NSUN6: variants seen among roughly 807,000 people sequenced by gnomAD.
The protein encoded by NSUN6 is NOP2/Sun RNA methyltransferase 6.
In NSUN6, 64 loss-of-function variants were observed where a neutral mutation model predicts 58.0. The observed-to-expected ratio is 1.10, with a 90% CI of 0.90 to 1.36. The LOEUF is 1.36. Among genes scored for constraint, NSUN6 ranks in the 40% most tolerant of loss-of-function variants. The pLI is 0.00. For missense variants in NSUN6, 701 were observed against 550.1 expected, an observed-to-expected ratio of 1.27 and a Z score of -2.74; for synonymous variants, 231 against 193.9, an observed-to-expected ratio of 1.19 and a Z score of -1.59.
At chr10:18,558,105 G>A (rs533128308) in intron 8 of NSUN6, among the ~76,000 whole-genome samples, 1 of 150,578 alleles carries the variant, frequency 6.6e-6, no homozygotes. Flanking sequence ...GAATGGAATA[G>A]AGTGGAATGG....
rs2056388757 is a variant in NSUN6, at chr10:18,571,924, TTTCCATTCCATTCTCCA to T, written c.922+14008_922+14024del. On this transcript the variant is annotated intron_variant, in intron 8 of 10. Coordinates refer to ENST00000377304, the MANE Select transcript of NSUN6 (RefSeq NM_182543.5). ...TATTCCTTTCTCCATTCCATTCCCC[TTTCCATTCCATTCTCCA>T]TTCCATTCCATTTTCTATTCCACTC... Among the ~76,000 whole-genome samples the T allele has an allele frequency of 2.0e-5, 3 of 150,176 alleles. No individual in the cohort carries two copies. In the South Asian group the frequency reaches 6.3e-4, roughly 32 times the overall value.
intron 6 of NSUN6, among the ~76,000 whole-genome samples, chr10:18,608,453 C>T (rs533561833): frequency 3.9e-5 from 6 of 151,926 alleles, no homozygotes; most frequent in South Asian, 2.1e-4. Flanking sequence ...CTGGACAATA[C>T]GGCAAAACCC....
intron 8 of NSUN6, among the ~76,000 whole-genome samples, chr10:18,577,830 G>T (rs900496498): frequency 1.3e-5 from 2 of 152,026 alleles, no homozygotes; most frequent in South Asian, 2.1e-4. Flanking sequence ...CCTGGCTCCC[G>T]CCAAACCACT....
chr10:18,641,773 A>C (rs887717644), intron 3 of NSUN6, among the ~76,000 whole-genome samples: 1 of 152,208 alleles, frequency 6.6e-6, no homozygotes, highest in Non-Finnish European at 1.5e-5. Flanking sequence ...TTGAATTATG[A>C]ATAAAATTTT....
intron 8 of NSUN6, among the ~76,000 whole-genome samples, chr10:18,576,702 C>A (rs915887216): frequency 2.6e-5 from 4 of 152,066 alleles, no homozygotes; most frequent in African/African-American, 9.7e-5. Flanking sequence ...CCTTGGAGAC[C>A]GGAAGGGATG....
intron 7 of NSUN6, among the ~76,000 whole-genome samples, chr10:18,593,455 C>A (rs1047270894): frequency 2.6e-5 from 4 of 152,170 alleles, no homozygotes; most frequent in Non-Finnish European, 5.9e-5. Context: ...TTGGAACCAA[C>A]CCAAATGCCC....
At chr10:18,600,087 C>G (rs1279561376) in intron 6 of NSUN6, among the ~76,000 whole-genome samples, 1 of 152,046 alleles carries the variant, frequency 6.6e-6, no homozygotes, top group Non-Finnish European at 1.5e-5. Context: ...ATCACTAGCC[C>G]CTCACAATAC....
chr10:18,594,059 G>A (rs1027304901), intron 7 of NSUN6, among the ~76,000 whole-genome samples: 4 of 151,830 alleles, frequency 2.6e-5, no homozygotes, highest in African/African-American at 9.7e-5. Flanking sequence ...AATTATTCGG[G>A]TGTGGTGGCA....
chr10:18,618,788 C>T (rs1459471735), intron 3 of NSUN6, among the ~76,000 whole-genome samples: 2 of 150,124 alleles, frequency 1.3e-5, no homozygotes, highest in Non-Finnish European at 2.9e-5. Flanking sequence ...TCCTAAGAGT[C>T]ATCTCCTAAT....
At chr10:18,567,674 G>A (rs557434111) in intron 8 of NSUN6, among the ~76,000 whole-genome samples, 16 of 124,348 alleles carry the variant, frequency 1.3e-4, no homozygotes, top group South Asian at 7.6e-4. Flanking sequence ...ATTCCATTCC[G>A]CATTCCATTC....
intron 8 of NSUN6, among the ~76,000 whole-genome samples, chr10:18,553,605 T>C (rs377029828): frequency 9.2e-5 from 13 of 141,996 alleles, no homozygotes; most frequent in African/African-American, 2.7e-4. Flanking sequence ...GAATAGGGAA[T>C]GGAATGGCAT....
intron 3 of NSUN6, among the ~76,000 whole-genome samples, chr10:18,619,176 T>C (rs1048754518): frequency 6.6e-6 from 1 of 152,230 alleles, no homozygotes; most frequent in Non-Finnish European, 1.5e-5. Flanking sequence ...TTGGACTGAA[T>C]GAGTGCTGCT....
chr10:18,614,840 A>C (rs10741111), intron 4 of NSUN6, among the ~76,000 whole-genome samples: 40,874 of 151,896 alleles, frequency 0.27, 6,241 homozygotes, highest in East Asian at 0.74. Context: ...ACAAAGAAAT[A>C]AAATAGCTTC....
intron 5 of NSUN6, 35 bp downstream of exon 5, chr10:18,614,425 G>C (rs1004314324): frequency 7.8e-6 from 10 of 1,285,458 alleles, no homozygotes; most frequent in Admixed American, 2.9e-5. Context: ...CCCACAAAAA[G>C]GATGCTGATT....
At chr10:18,568,791 C>T (rs1369292872) in intron 8 of NSUN6, among the ~76,000 whole-genome samples, 1 of 151,426 alleles carries the variant, frequency 6.6e-6, no homozygotes, top group Non-Finnish European at 1.5e-5. Context: ...TAACATTCTT[C>T]ATTCCATTCC....
chr10:18,601,985 A>G (rs2131263138), intron 6 of NSUN6, among the ~76,000 whole-genome samples: 1 of 151,430 alleles, frequency 6.6e-6, no homozygotes, highest in East Asian at 2.0e-4. Flanking sequence ...GGGAAAAAAA[A>G]AGGGAAATAA....
intron 3 of NSUN6, among the ~76,000 whole-genome samples, chr10:18,621,162 G>C (rs747132569): frequency 1.4e-4 from 22 of 152,152 alleles, no homozygotes; most frequent in Admixed American, 6.5e-4. Context: ...CAGAATGTGG[G>C]TATGTACCAG....
chr10:18,658,004 T>G (rs1188523042), upstream of NSUN6, among the ~76,000 whole-genome samples: 1 of 148,090 alleles, frequency 6.8e-6, no homozygotes, highest in Admixed American at 6.7e-5. Context: ...AAAAGCAGAA[T>G]GTGGTTTACA....
At chr10:18,579,460 T>A (rs947617658) in intron 8 of NSUN6, among the ~76,000 whole-genome samples, 4 of 152,124 alleles carry the variant, frequency 2.6e-5, no homozygotes, top group African/African-American at 9.7e-5. Flanking sequence ...GTGAGCCACG[T>A]CGCCCGGCCT....
Sources: allele counts gnomAD v4.1 joint callset (sites outside exome capture counted in the v4.1 genomes callset), GRCh38; gene constraint gnomAD v4.1.1; transcripts MANE v1.5; gene names NCBI Gene and HGNC (gene_info 2026-07-23, HGNC 2026-07-21).